LHX8: variants seen among roughly 807,000 people sequenced by gnomAD.
LHX8 encodes LIM homeobox 8, also known as LIM/homeobox protein Lhx8.
Under a neutral mutation model 40.3 loss-of-function variants are expected in LHX8, and 12 were observed. That is an observed-to-expected ratio of 0.30 (90% confidence interval 0.19 to 0.48). The LOEUF is 0.48. Ranked by LOEUF, LHX8 falls within the 20% of genes least tolerant of loss-of-function variation. The pLI, the probability that LHX8 is intolerant of heterozygous loss-of-function variation, is 0.99. For synonymous variants in LHX8, 179 were observed against 162.0 expected, an observed-to-expected ratio of 1.10 and a Z score of -0.80; for missense variants, 344 against 433.7, an observed-to-expected ratio of 0.79 and a Z score of 1.84.
At chr1:75,167,370 A>T in the LHX8 span, among the ~76,000 whole-genome samples, 2 of 152,236 alleles carry the variant, frequency 1.3e-5, no homozygotes. Flanking sequence ...TATCTGGTGC[A>T]CAATAAACCC....
the LHX8 span, among the ~76,000 whole-genome samples, chr1:75,180,648 T>G: frequency 6.6e-6 from 1 of 152,216 alleles, no homozygotes; most frequent in Non-Finnish European, 1.5e-5. Context: ...CTTCTTTAGC[T>G]CGGAGAAGTT....
intron 3 of LHX8, among the ~76,000 whole-genome samples, chr1:75,139,079 A>T (rs1648234186): frequency 6.6e-6 from 1 of 152,172 alleles, no homozygotes; most frequent in Admixed American, 6.5e-5. Flanking sequence ...TAGTATAGAA[A>T]TATTATTTTA....
the LHX8 span, among the ~76,000 whole-genome samples, chr1:75,171,085 G>T: frequency 6.6e-6 from 1 of 152,124 alleles, no homozygotes; most frequent in Non-Finnish European, 1.5e-5. Context: ...GGAGGCAGGT[G>T]GCCTGGGAAC....
intron 1 of LHX8, among the ~76,000 whole-genome samples, chr1:75,136,326 G>A (rs1439669082): frequency 6.6e-6 from 1 of 152,012 alleles, no homozygotes; most frequent in Non-Finnish European, 1.5e-5. Flanking sequence ...GCGGGGGGGC[G>A]GGGAACCGAC....
At chr1:75,137,522 G>T (rs6681258) in intron 3 of LHX8, among the ~76,000 whole-genome samples, 32,969 of 152,068 alleles carry the variant, frequency 0.22, 4,295 homozygotes, top group Middle Eastern at 0.34. Flanking sequence ...GTGTGGATGC[G>T]CTGGAGTCAG....
In LHX8 at chr1:75,134,822, T is replaced by A. The variant is rs1570282227; in HGVS notation, c.-145T>A. On this transcript the variant is annotated 5_prime_UTR_variant, in exon 1 of 9. Transcript: ENST00000356261. ...ACGGCCTCATCTTCAGACCTGGCAA[T>A]TTTTTTTTTTTATTACGTAGTAGCG... 1.4e-5 allele frequency: 2 copies of A among 147,796 alleles called. No individual in the cohort carries two copies. The highest frequency in any genetic ancestry group is 2.7e-4 in the East Asian group (1 of 3,702). 9.2% of individuals were successfully genotyped at this position (147,796 alleles called of 1,614,324 possible). A position where few individuals can be genotyped will look rare whatever the true frequency, so the allele number is the denominator to read the frequency against.
the LHX8 span, among the ~76,000 whole-genome samples, chr1:75,176,197 T>A: frequency 6.6e-6 from 1 of 152,224 alleles, no homozygotes; most frequent in Non-Finnish European, 1.5e-5. Context: ...AGTAATGGGA[T>A]GGCTGGGTCA....
At chr1:75,189,495 A>G in the LHX8 span, among the ~76,000 whole-genome samples, 1 of 152,212 alleles carries the variant, frequency 6.6e-6, no homozygotes, top group Non-Finnish European at 1.5e-5. Flanking sequence ...TGCAGCTGAT[A>G]TGTACAATTT....
chr1:75,136,524 C>A (rs1648136130), intron 1 of LHX8, 79 bp from the exon 2 acceptor site: 1 of 1,102,802 alleles, frequency 9.1e-7, no homozygotes, highest in Admixed American at 2.0e-5. Flanking sequence ...GCTCGCTCCC[C>A]GCGCCGAGGC....
chr1:75,173,407 G>A, the LHX8 span, among the ~76,000 whole-genome samples: 3 of 119,342 alleles, frequency 2.5e-5, no homozygotes, highest in East Asian at 2.4e-4. Context: ...TTTTTGAGAC[G>A]GAATCTCGTT....
At chr1:75,144,755 C>T (rs1349867379) in intron 6 of LHX8, among the ~76,000 whole-genome samples, 1 of 152,030 alleles carries the variant, frequency 6.6e-6, no homozygotes, top group East Asian at 1.9e-4. Flanking sequence ...GGAAAAGTAA[C>T]ATTTGTTGAA....
At chr1:75,176,260 A>G in the LHX8 span, among the ~76,000 whole-genome samples, 1 of 152,208 alleles carries the variant, frequency 6.6e-6, no homozygotes, top group Non-Finnish European at 1.5e-5. Flanking sequence ...GTCTTCCACA[A>G]TGGTTTAACT....
chr1:75,128,781 CAAAT>C (rs1487468495), intron 1 of LHX8, among the ~76,000 whole-genome samples: 1 of 152,154 alleles, frequency 6.6e-6, no homozygotes, highest in African/African-American at 2.4e-5. Flanking sequence ...GATTAACTCT[CAAAT>C]AAACCAGCGA....
chr1:75,139,617 ATAT>A (rs933845211), intron 3 of LHX8, among the ~76,000 whole-genome samples: 2 of 152,176 alleles, frequency 1.3e-5, no homozygotes, highest in African/African-American at 2.4e-5. Flanking sequence ...AACATTGTTA[ATAT>A]TATTTATTCA....
chr1:75,190,272 A>T, the LHX8 span, among the ~76,000 whole-genome samples: 1 of 152,210 alleles, frequency 6.6e-6, no homozygotes, highest in South Asian at 2.1e-4. Context: ...CTAAAAGTCA[A>T]GATTATTTAA....
intron 6 of LHX8, among the ~76,000 whole-genome samples, chr1:75,146,167 T>G (rs2100344979): frequency 6.6e-6 from 1 of 152,288 alleles, no homozygotes; most frequent in East Asian, 1.9e-4. Flanking sequence ...ATGCTGAATA[T>G]TTTCAACTAG....
At chr1:75,190,681 G>A in the LHX8 span, among the ~76,000 whole-genome samples, 1 of 152,086 alleles carries the variant, frequency 6.6e-6, no homozygotes, top group South Asian at 2.1e-4. Context: ...ACGTGTAGTG[G>A]AATTAATTGT....
At chr1:75,173,374 CTTTTTTTT>C in the LHX8 span, among the ~76,000 whole-genome samples, 19 of 96,464 alleles carry the variant, frequency 2.0e-4, no homozygotes, top group South Asian at 1.4e-3. Flanking sequence ...GATATATACT[CTTTTTTTT>C]TTTTTTTTTT....
the LHX8 span, among the ~76,000 whole-genome samples, chr1:75,167,204 C>T: frequency 6.6e-6 from 1 of 152,192 alleles, no homozygotes; most frequent in Non-Finnish European, 1.5e-5. Flanking sequence ...CTGGAGTCCT[C>T]GTTTTGCCAC....
Sources: allele counts gnomAD v4.1 joint callset (sites outside exome capture counted in the v4.1 genomes callset), GRCh38; gene constraint gnomAD v4.1.1; transcripts MANE v1.5; gene names NCBI Gene and HGNC (gene_info 2026-07-23, HGNC 2026-07-21).